Variants in RELN observed in about 807,000 individuals in gnomAD.
RELN encodes the protein reelin.
Under a neutral mutation model 427.6 loss-of-function variants are expected in RELN, and 108 were observed. The observed-to-expected ratio is 0.25, with a 90% CI of 0.22 to 0.30. The LOEUF is 0.30. RELN is among the 10% of genes least tolerant of loss of function. RELN has a pLI of 1.00. For missense variants in RELN, 3,715 were observed against 4,302.8 expected, an observed-to-expected ratio of 0.86 and a Z score of 3.82; for synonymous variants, 1,524 against 1,513.4, an observed-to-expected ratio of 1.01 and a Z score of -0.16.
At chr7:103,893,222 A>G (rs1794887626) in intron 2 of RELN, among the ~76,000 whole-genome samples, 1 of 152,152 alleles carries the variant, frequency 6.6e-6, no homozygotes, top group Non-Finnish European at 1.5e-5. Flanking sequence ...AAATTCCTGT[A>G]CAGGATGCAG....
At position 103,690,432 on chromosome 7, in the gene RELN, C is replaced by T. The variant is rs562333766; in HGVS notation, c.1143+7421G>A. 1.2e-4 allele frequency among the ~76,000 whole-genome samples: 19 copies of T among 152,208 alleles called. No homozygotes were observed. The South Asian group carries it at 3.9e-3, about 32-fold the overall frequency. On this transcript the variant is annotated intron_variant, in intron 10 of 64. Transcript: ENST00000428762. ...CTTTCGTTCTTAAATGTGGAACACC[C>T]ATCCACAACCACATGACAGAGGCCC...
chr7:103,833,971 C>A (rs1266654539), intron 2 of RELN, among the ~76,000 whole-genome samples: 1 of 152,088 alleles, frequency 6.6e-6, no homozygotes, highest in East Asian at 1.9e-4. Flanking sequence ...TGCAGTTGAA[C>A]AAGGTTAGAT....
chr7:103,664,961 A>C (rs1833226741), intron 11 of RELN, among the ~76,000 whole-genome samples: 1 of 152,028 alleles, frequency 6.6e-6, no homozygotes, highest in African/African-American at 2.4e-5. Flanking sequence ...ATATAGTAGA[A>C]TTTATCTATC....
At chr7:103,657,474 C>A (rs574576638) in intron 12 of RELN, among the ~76,000 whole-genome samples, 1 of 152,138 alleles carries the variant, frequency 6.6e-6, no homozygotes, top group African/African-American at 2.4e-5. Flanking sequence ...TAATCACAGG[C>A]AGTGTGGGTT....
rs572539507 is a variant in RELN at position 103,496,037 on chromosome 7, A to G, written c.9194-139T>C. The G allele has an allele frequency of 3.1e-5, 27 of 862,332 alleles. No homozygotes were observed. The South Asian group carries it at 3.9e-4, about 13-fold the overall frequency. The allele number at this position is 862,332 out of a possible 1,614,324, so 53.4% of individuals were successfully genotyped here. A position where few individuals can be genotyped will look rare whatever the true frequency, so the allele number is the denominator to read the frequency against. ...TTTATGCTCTACTAGCTTTCTGCTTACACTTTAGGATTGATTTTTATTTTA... is the reference window on the plus strand; with the variant it reads ...TTTATGCTCTACTAGCTTTCTGCTTGCACTTTAGGATTGATTTTTATTTTA... On this transcript the variant is annotated intron_variant, in intron 56 of 64. Transcript: ENST00000428762.
At chr7:103,740,137 C>CAA (rs201437906) in intron 6 of RELN, among the ~76,000 whole-genome samples, 1 of 149,296 alleles carries the variant, frequency 6.7e-6, no homozygotes, top group African/African-American at 2.5e-5. Context: ...CAAAAACAAA[C>CAA]AAAAAAAAAT....
At chr7:103,622,389 T>A (rs1478936596) in intron 20 of RELN, among the ~76,000 whole-genome samples, 3 of 152,208 alleles carry the variant, frequency 2.0e-5, no homozygotes, top group Non-Finnish European at 4.4e-5. Context: ...GCAGATGACA[T>A]TATTAGCATC....
intron 6 of RELN, among the ~76,000 whole-genome samples, chr7:103,731,913 T>C (rs766364336): frequency 2.0e-4 from 31 of 152,168 alleles, no homozygotes; most frequent in Non-Finnish European, 2.9e-4. Flanking sequence ...AAATTATTAA[T>C]TACAATGTTT....
At chr7:103,543,055 A>C (rs1266868828) in intron 42 of RELN, among the ~76,000 whole-genome samples, 177 bp from the exon 43 acceptor site, 1 of 152,264 alleles carries the variant, frequency 6.6e-6, no homozygotes, top group East Asian at 1.9e-4. Context: ...TGAATTGTTT[A>C]GCCTTGGCTG....
intron 20 of RELN, among the ~76,000 whole-genome samples, chr7:103,615,668 C>A (rs902314595): frequency 9.8e-5 from 15 of 152,294 alleles, no homozygotes; most frequent in African/African-American, 3.6e-4. Context: ...CACACAGTTA[C>A]TAAAAAGCTA....
chr7:103,647,859 A>G (rs1309621776), intron 16 of RELN, among the ~76,000 whole-genome samples: 5 of 152,086 alleles, frequency 3.3e-5, no homozygotes, highest in African/African-American at 4.8e-5. Flanking sequence ...ATAGACATAT[A>G]CATCAATGGA....
rs1372379914 is a variant in RELN at position 103,973,872 on chromosome 7, G to T, written c.226+15259C>A. Among the ~76,000 whole-genome samples, 8 of 152,316 alleles carry T rather than the reference G, an allele frequency of 5.3e-5. No homozygotes were observed. In the East Asian group the frequency reaches 1.5e-3, roughly 29 times the overall value. On this transcript the variant is annotated intron_variant, in intron 1 of 64. Coordinates refer to ENST00000428762, the MANE Select transcript of RELN (RefSeq NM_005045.4). ...TAATAATAATACTCAGCCAGGTGTG[G>T]TGGCTCACGCCTATAATCCCAGCAC...
Position 103,600,522 on chromosome 7 carries a change from CT to C in RELN, c.3333+2781del, listed in dbSNP as rs112552473. Among the ~76,000 whole-genome samples the C allele has an allele frequency of 3.7e-3, 560 of 152,280 alleles. 5 individuals carry two copies. The highest frequency in any genetic ancestry group is 0.013 in the African/African-American group (529 of 41,564). ...TCTACTCTTTCAAATCGGGTCTACT[CT>C]CAAGGGGAAAGTTCTGTGAGCTTCA... On this transcript the variant is annotated intron_variant, in intron 24 of 64. Transcript: ENST00000428762.
chr7:103,548,424 A>G (rs1830346253), intron 41 of RELN, among the ~76,000 whole-genome samples: 1 of 152,196 alleles, frequency 6.6e-6, no homozygotes, highest in Non-Finnish European at 1.5e-5. Context: ...AGTTGGAGAA[A>G]ATTTAACTTT....
chr7:103,706,440 G>A (rs1035556431), intron 8 of RELN, among the ~76,000 whole-genome samples: 4 of 152,066 alleles, frequency 2.6e-5, no homozygotes, highest in African/African-American at 7.2e-5. Context: ...CAATTATAGG[G>A]GTTATGAACA....
chr7:103,885,292 C>A (rs1794699780), intron 2 of RELN, among the ~76,000 whole-genome samples: 1 of 151,242 alleles, frequency 6.6e-6, no homozygotes, highest in African/African-American at 2.4e-5. Flanking sequence ...TGAGCCAAGA[C>A]AGCACCACTG....
At chr7:103,881,463 C>T (rs987136325) in intron 2 of RELN, among the ~76,000 whole-genome samples, 6 of 150,030 alleles carry the variant, frequency 4.0e-5, no homozygotes, top group Admixed American at 6.7e-5. Flanking sequence ...TTAGGTTCAA[C>T]AAACCTAAAG....
intron 2 of RELN, among the ~76,000 whole-genome samples, chr7:103,851,033 C>A (rs971637815): frequency 2.0e-5 from 3 of 152,134 alleles, no homozygotes; most frequent in Admixed American, 2.0e-4. Context: ...CTTGCACAGG[C>A]GTATTTATTG....
At chr7:103,866,414 G>A (rs1015472717) in intron 2 of RELN, among the ~76,000 whole-genome samples, 2 of 152,050 alleles carry the variant, frequency 1.3e-5, no homozygotes, top group Non-Finnish European at 2.9e-5. Context: ...GCAAGCATGA[G>A]CTGGCTTCTC....
Sources: allele counts gnomAD v4.1 joint callset (sites outside exome capture counted in the v4.1 genomes callset), GRCh38; gene constraint gnomAD v4.1.1; transcripts MANE v1.5; gene names NCBI Gene and HGNC (gene_info 2026-07-23, HGNC 2026-07-21).